PTPRA: variants seen among roughly 807,000 people sequenced by gnomAD.
PTPRA encodes the protein receptor-type tyrosine-protein phosphatase alpha.
A neutral mutation model predicts 104.8 loss-of-function variants in PTPRA; 25 were observed. The ratio of observed to expected loss-of-function variants is 0.24; its 90% CI spans 0.17 to 0.33. The LOEUF is 0.33. Ranked by LOEUF, PTPRA falls within the 10% of genes least tolerant of loss-of-function variation. The pLI is 1.00. For missense variants in PTPRA, 765 were observed against 1,015.3 expected (o/e 0.75, Z 3.35); for synonymous variants, 323 against 368.9 (o/e 0.88, Z 1.43).
At chr20:2,935,877 C>T (rs8114424) in intron 2 of PTPRA, among the ~76,000 whole-genome samples, 19,747 of 152,118 alleles carry the variant, frequency 0.13, 1,597 homozygotes, top group East Asian at 0.28. Context: ...ATTAGCCGGG[C>T]GTGGCTGTGC....
chr20:2,896,902 T>G (rs2059021389), intron 1 of PTPRA, among the ~76,000 whole-genome samples: 1 of 152,236 alleles, frequency 6.6e-6, no homozygotes, highest in African/African-American at 2.4e-5. Flanking sequence ...TCTAGAATAG[T>G]TCTCAGTCTT....
At chr20:2,996,024 C>A (rs1402549366) in intron 9 of PTPRA, among the ~76,000 whole-genome samples, 1 of 152,188 alleles carries the variant, frequency 6.6e-6, no homozygotes, top group Non-Finnish European at 1.5e-5. Context: ...TCTTTCCTTC[C>A]ATCTGAACCC....
At chr20:2,985,654 G>T (rs1270162594) in intron 6 of PTPRA, among the ~76,000 whole-genome samples, 2 of 152,150 alleles carry the variant, frequency 1.3e-5, no homozygotes, top group Admixed American at 6.5e-5. Context: ...CAAACCAGAT[G>T]TTGCCATGGT....
intron 1 of PTPRA, among the ~76,000 whole-genome samples, chr20:2,883,330 GTGAA>G (rs1421117109): frequency 1.3e-5 from 2 of 152,150 alleles, no homozygotes; most frequent in Non-Finnish European, 2.9e-5. Context: ...TAAATAGTGA[GTGAA>G]AAAGGAACTA....
At chr20:2,918,621 T>C (rs1429875347) in intron 1 of PTPRA, among the ~76,000 whole-genome samples, 3 of 152,246 alleles carry the variant, frequency 2.0e-5, no homozygotes, top group Admixed American at 2.0e-4. Context: ...TGTATTCATT[T>C]AGTTAGACCA....
intron 1 of PTPRA, among the ~76,000 whole-genome samples, chr20:2,919,459 C>T (rs572587256): frequency 1.1e-4 from 17 of 152,250 alleles, no homozygotes; most frequent in South Asian, 1.0e-3. Context: ...AAGGGAAAGA[C>T]TTAAAGGAAG....
At chr20:2,888,358 G>A (rs1249202901) in intron 1 of PTPRA, among the ~76,000 whole-genome samples, 1 of 152,000 alleles carries the variant, frequency 6.6e-6, no homozygotes, top group Non-Finnish European at 1.5e-5. Context: ...CCAGGAGTTC[G>A]AGACCAGCCT....
At chr20:2,980,684 C>A (rs561356260) in intron 6 of PTPRA, among the ~76,000 whole-genome samples, 5 of 152,150 alleles carry the variant, frequency 3.3e-5, no homozygotes, top group Admixed American at 6.5e-5. Flanking sequence ...CCCCTCCCCC[C>A]ATCTCTACAA....
At chr20:2,864,672 C>A in the PTPRA span, 1 of 1,597,572 alleles carries the variant, frequency 6.3e-7, no homozygotes, top group Non-Finnish European at 8.6e-7. The surrounding 1 kb of genome is among the most constrained non-coding windows in gnomAD (Gnocchi z 5.2). Context: ...ATCCATGGGG[C>A]GTGTGGGGCG....
chr20:3,005,362 A>G (rs1276083140), intron 10 of PTPRA, among the ~76,000 whole-genome samples: 1 of 152,104 alleles, frequency 6.6e-6, no homozygotes, highest in Non-Finnish European at 1.5e-5. Flanking sequence ...TAGCCTGGGC[A>G]ATATAGTGAG....
At chr20:2,959,911 C>T (rs2061686334) in intron 3 of PTPRA, among the ~76,000 whole-genome samples, 1 of 151,896 alleles carries the variant, frequency 6.6e-6, no homozygotes, top group Non-Finnish European at 1.5e-5. Context: ...CAGTCATGCC[C>T]CTGCACTCCA....
chr20:2,938,343 C>T (rs1177982672), intron 2 of PTPRA, among the ~76,000 whole-genome samples: 2 of 152,166 alleles, frequency 1.3e-5, no homozygotes, highest in Middle Eastern at 3.4e-3. Flanking sequence ...CGCCACCACA[C>T]CCAACTCATT....
chr20:2,968,555 CTT>C, intron 5 of PTPRA, among the ~76,000 whole-genome samples: 1 of 140,902 alleles, frequency 7.1e-6, no homozygotes, highest in East Asian at 2.0e-4. Flanking sequence ...TGAATTAATT[CTT>C]TAATCTTTAA....
intron 17 of PTPRA, among the ~76,000 whole-genome samples, chr20:3,025,452 C>CA (rs11087563): frequency 0.046 from 4,986 of 108,328 alleles, 303 homozygotes; most frequent in African/African-American, 0.15. Context: ...GACTCCATCT[C>CA]AAAAAAAAAA....
chr20:2,941,488 T>C (rs562664058), intron 2 of PTPRA, among the ~76,000 whole-genome samples: 1 of 152,336 alleles, frequency 6.6e-6, no homozygotes, highest in South Asian at 2.1e-4. Context: ...TGTAACACTT[T>C]TGTGTCTCCA....
At chr20:2,901,157 G>C (rs1337428756) in intron 1 of PTPRA, among the ~76,000 whole-genome samples, 1 of 152,008 alleles carries the variant, frequency 6.6e-6, no homozygotes, top group Non-Finnish European at 1.5e-5. Context: ...TTTTGGTAGA[G>C]ACAGGGTTTC....
At chr20:3,001,048 G>A (rs1332668371) in intron 9 of PTPRA, among the ~76,000 whole-genome samples, 1 of 152,096 alleles carries the variant, frequency 6.6e-6, no homozygotes, top group East Asian at 1.9e-4. Context: ...TGAGTACTTA[G>A]CCTTGGTTCC....
intron 1 of PTPRA, among the ~76,000 whole-genome samples, chr20:2,918,087 C>CAAAA (rs149539458): frequency 3.2e-5 from 3 of 94,292 alleles, no homozygotes; most frequent in African/African-American, 4.3e-5. Context: ...GACTCTGTCT[C>CAAAA]AAAAAAAAAA....
At chr20:3,006,438 C>T (rs2063875596) in intron 10 of PTPRA, among the ~76,000 whole-genome samples, 1 of 152,124 alleles carries the variant, frequency 6.6e-6, no homozygotes, top group African/African-American at 2.4e-5. Context: ...TTTGACCTCC[C>T]AAAGAATTGG....
Sources: gnomAD v4.1 joint callset for allele counts (sites outside exome capture counted in the v4.1 genomes callset) on GRCh38, gnomAD v4.1.1 for gene constraint, Gnocchi (gnomAD v3.1) non-coding constraint, MANE v1.5 for transcripts, NCBI Gene and HGNC (gene_info 2026-07-23, HGNC 2026-07-21) for gene names.